ADAM23: variants seen among roughly 807,000 people sequenced by gnomAD.
The protein encoded by ADAM23 is disintegrin and metalloproteinase domain-containing protein 23.
A neutral mutation model predicts 120.1 loss-of-function variants in ADAM23; 33 were observed. The ratio of observed to expected loss-of-function variants is 0.27; its 90% CI spans 0.21 to 0.37. The LOEUF (loss-of-function observed/expected upper bound fraction) is 0.37, where lower values mean the gene tolerates loss of function less well. ADAM23 is among the 10% of genes least tolerant of loss of function. The pLI is 1.00. For synonymous variants in ADAM23, 367 were observed against 375.2 expected, an observed-to-expected ratio of 0.98 and a Z score of 0.25; for missense variants, 862 against 1,058.2, an observed-to-expected ratio of 0.81 and a Z score of 2.57.
At chr2:206,522,949 A>G (rs966723763) in intron 3 of ADAM23, among the ~76,000 whole-genome samples, 4 of 152,132 alleles carry the variant, frequency 2.6e-5, no homozygotes, top group Non-Finnish European at 5.9e-5. Context: ...TCCACTTCAT[A>G]TGGTCGAGCT....
At chr2:206,529,396 A>T (rs1253130176) in intron 3 of ADAM23, among the ~76,000 whole-genome samples, 1 of 151,886 alleles carries the variant, frequency 6.6e-6, no homozygotes, top group African/African-American at 2.4e-5. Context: ...TATTTATTTT[A>T]AATTTCTTTT....
intron 18 of ADAM23, among the ~76,000 whole-genome samples, chr2:206,573,940 A>ACAC (rs1698060538): frequency 6.6e-6 from 1 of 152,128 alleles, no homozygotes. Context: ...TGCCTCATTA[A>ACAC]CAGAGTTTTT....
intron 4 of ADAM23, among the ~76,000 whole-genome samples, chr2:206,537,407 C>A (rs1253884339): frequency 6.6e-6 from 1 of 151,988 alleles, no homozygotes; most frequent in Non-Finnish European, 1.5e-5. Flanking sequence ...GTTCTGAAGA[C>A]CCTGTCCAGT....
intron 2 of ADAM23, among the ~76,000 whole-genome samples, chr2:206,480,313 T>C (rs1695870416): frequency 1.3e-5 from 2 of 152,108 alleles, no homozygotes; most frequent in South Asian, 4.1e-4. Context: ...GGGAGATGCC[T>C]GGTGTGTTCA....
chr2:206,462,147 G>C (rs1451166866), intron 2 of ADAM23, among the ~76,000 whole-genome samples: 7 of 152,088 alleles, frequency 4.6e-5, no homozygotes, highest in Admixed American at 4.6e-4. Flanking sequence ...CTAGAGCAAA[G>C]GAATGTTACT....
At position 206,595,608 on chromosome 2, in the gene ADAM23, G is replaced by A. The variant is rs2105851885; in HGVS notation, c.2248-443G>A. ...TATGTCTCCTGGCCTTTTATCTCCA[G>A]CAGTGCTTTTGAGCCCACTGTCTAT... On this transcript the variant is annotated intron_variant, in intron 23 of 25. Coordinates refer to ENST00000264377, the MANE Select transcript of ADAM23 (RefSeq NM_003812.4). Among the ~76,000 whole-genome samples, 3 of 152,278 alleles carry A rather than the reference G, an allele frequency of 2.0e-5. No individual in the cohort carries two copies. In the South Asian group the frequency reaches 6.2e-4, roughly 32 times the overall value.
intron 3 of ADAM23, among the ~76,000 whole-genome samples, chr2:206,527,670 A>G (rs931396360): frequency 6.6e-6 from 1 of 152,168 alleles, no homozygotes; most frequent in Admixed American, 6.6e-5. Flanking sequence ...ATGTTTGCTC[A>G]CTCAGCAGAT....
chr2:206,477,899 T>TATATATATATAC (rs1396235669), intron 2 of ADAM23, among the ~76,000 whole-genome samples: 1,929 of 106,164 alleles, frequency 0.018, 26 homozygotes, highest in Middle Eastern at 0.028. Context: ...AAAAAAAAAA[T>TATATATATATAC]ATATATATAT....
At chr2:206,533,726 A>G (rs1697119208) in intron 4 of ADAM23, among the ~76,000 whole-genome samples, 1 of 152,212 alleles carries the variant, frequency 6.6e-6, no homozygotes, top group Non-Finnish European at 1.5e-5. Flanking sequence ...TCTCATTCTT[A>G]CTTCTCACTA....
intron 10 of ADAM23, among the ~76,000 whole-genome samples, chr2:206,558,605 C>T (rs1043515708): frequency 6.6e-6 from 1 of 152,160 alleles, no homozygotes; most frequent in African/African-American, 2.4e-5. Flanking sequence ...AATTTCAGCT[C>T]TTGTTTATCT....
chr2:206,481,348 A>T (rs561189432), intron 3 of ADAM23, 40 bp downstream of exon 3: 2 of 1,461,222 alleles, frequency 1.4e-6, no homozygotes, highest in Admixed American at 4.4e-5. Flanking sequence ...AGCAGGTGCA[A>T]TAAAGCTTTG....
intron 4 of ADAM23, among the ~76,000 whole-genome samples, chr2:206,536,770 A>G (rs543502362): frequency 4.6e-5 from 7 of 152,000 alleles, no homozygotes; most frequent in East Asian, 1.9e-4. Context: ...CAGTGGTGCA[A>G]TCTTAGCTCA....
intron 3 of ADAM23, 67 bp from the exon 4 acceptor site, chr2:206,530,818 A>C (rs984623004): frequency 7.0e-7 from 1 of 1,423,206 alleles, no homozygotes; most frequent in Non-Finnish European, 9.9e-7. Flanking sequence ...TCATTTATTG[A>C]GCCGATTGTT....
intron 2 of ADAM23, among the ~76,000 whole-genome samples, chr2:206,455,227 G>A (rs537266210): frequency 1.3e-5 from 2 of 152,210 alleles, no homozygotes; most frequent in Non-Finnish European, 1.5e-5. Flanking sequence ...CCAATACCAC[G>A]TGGAAGCCAC....
rs189380438 is a variant in ADAM23, at chr2:206,566,686, G to C, written c.1395-537G>C. On this transcript the variant is annotated intron_variant, in intron 14 of 25. Transcript: ENST00000264377. ...GTGCATATACATACTAAAAACATAC[G>C]TGCATATACATATATGATCTAACAC... is the stretch of plus-strand genomic sequence containing the variant. 2.0e-5 allele frequency among the ~76,000 whole-genome samples: 3 copies of C among 152,034 alleles called. No individual in the cohort carries two copies. The East Asian group carries it at 5.8e-4, about 29-fold the overall frequency.
At chr2:206,476,216 T>A (rs895396801) in intron 2 of ADAM23, among the ~76,000 whole-genome samples, 1 of 152,214 alleles carries the variant, frequency 6.6e-6, no homozygotes, top group African/African-American at 2.4e-5. Context: ...GTAAAACATT[T>A]TCTTGTCTAT....
intron 2 of ADAM23, among the ~76,000 whole-genome samples, chr2:206,480,323 A>G (rs59787095): frequency 0.034 from 5,223 of 152,204 alleles, 296 homozygotes; most frequent in African/African-American, 0.12. Flanking sequence ...TGGTGTGTTC[A>G]TGCTGGTGTC....
intron 3 of ADAM23, among the ~76,000 whole-genome samples, chr2:206,483,734 G>C (rs1023750078): frequency 6.6e-6 from 1 of 152,168 alleles, no homozygotes; most frequent in Non-Finnish European, 1.5e-5. Flanking sequence ...GGCAAAATTT[G>C]CCCTTTGGAT....
At chr2:206,509,329 A>T (rs2105899166) in intron 3 of ADAM23, among the ~76,000 whole-genome samples, 1 of 152,356 alleles carries the variant, frequency 6.6e-6, no homozygotes, top group Middle Eastern at 3.4e-3. Flanking sequence ...AGAAGGCTTG[A>T]TAGTGTACAC....
Sources: allele counts gnomAD v4.1 joint callset (sites outside exome capture counted in the v4.1 genomes callset), GRCh38; gene constraint gnomAD v4.1.1; transcripts MANE v1.5; gene names NCBI Gene and HGNC (gene_info 2026-07-23, HGNC 2026-07-21).